RPS6KC1: variants seen among roughly 807,000 people sequenced by gnomAD.
RPS6KC1 encodes the protein inactive ribosomal protein S6 kinase delta-1.
Under a neutral mutation model 103.8 loss-of-function variants are expected in RPS6KC1, and 54 were observed. That is an observed-to-expected ratio of 0.52 (90% CI 0.42 to 0.65). The LOEUF (loss-of-function observed/expected upper bound fraction) is 0.65, where lower values mean the gene tolerates loss of function less well. Ranked by LOEUF, RPS6KC1 falls within the 30% of genes least tolerant of loss-of-function variation. The pLI is 0.00. For missense variants in RPS6KC1, 1,151 were observed against 1,253.8 expected (o/e 0.92, Z 1.24); for synonymous variants, 439 against 438.7 (o/e 1.00, Z -0.01).
chr1:213,151,322 C>T (rs866828086), intron 6 of RPS6KC1, among the ~76,000 whole-genome samples: 2,362 of 81,928 alleles, frequency 0.029, 36 homozygotes, highest in Non-Finnish European at 0.041. Flanking sequence ...ACCTCCCGGA[C>T]GGGGCGGCTG....
the RPS6KC1 span, among the ~76,000 whole-genome samples, chr1:213,537,785 A>G: frequency 6.6e-6 from 1 of 152,150 alleles, no homozygotes; most frequent in Non-Finnish European, 1.5e-5. Context: ...GCTTCCCATA[A>G]CTTTCATGCT....
intron 10 of RPS6KC1, among the ~76,000 whole-genome samples, chr1:213,232,900 A>T (rs2094137741): frequency 6.6e-6 from 1 of 152,118 alleles, no homozygotes; most frequent in Admixed American, 6.6e-5. Context: ...TTTATTTAGG[A>T]TGACTGAAAA....
the RPS6KC1 span, among the ~76,000 whole-genome samples, chr1:213,677,646 G>A: frequency 2.0e-5 from 3 of 152,144 alleles, no homozygotes; most frequent in Non-Finnish European, 2.9e-5. Context: ...TGTATGTGGG[G>A]GGAGATGTAA....
intron 1 of RPS6KC1, among the ~76,000 whole-genome samples, chr1:213,055,359 T>C (rs2077251098): frequency 2.0e-5 from 3 of 152,178 alleles, no homozygotes; most frequent in African/African-American, 4.8e-5. Flanking sequence ...CCACTCAGTA[T>C]GATTATTTGA....
rs540975745 is a variant in RPS6KC1 at position 213,158,062 on chromosome 1, A to G, written c.836-9796A>G. On this transcript the variant is annotated intron_variant, in intron 6 of 14. Transcript: ENST00000366960. ...TGGTTGCTTCTTTGAATCAATGTATATCTTCTATAGACAGGATATAGTTAG... is the reference window on the plus strand; with the variant it reads ...TGGTTGCTTCTTTGAATCAATGTATGTCTTCTATAGACAGGATATAGTTAG... Among the ~76,000 whole-genome samples, 3 of 152,080 alleles carry G rather than the reference A, an allele frequency of 2.0e-5. No homozygotes were observed. In the East Asian group the frequency reaches 5.8e-4, roughly 29 times the overall value.
At chr1:213,394,089 G>C in the RPS6KC1 span, among the ~76,000 whole-genome samples, 1 of 152,144 alleles carries the variant, frequency 6.6e-6, no homozygotes, top group African/African-American at 2.4e-5. Context: ...TACGGAGGAG[G>C]CTGGGTGACC....
chr1:213,073,527 A>G (rs1340700023), intron 2 of RPS6KC1, among the ~76,000 whole-genome samples: 2 of 152,132 alleles, frequency 1.3e-5, no homozygotes, highest in East Asian at 3.8e-4. Context: ...ATTAACCTGT[A>G]CCTGTTTCTC....
the RPS6KC1 span, among the ~76,000 whole-genome samples, chr1:213,342,170 G>C: frequency 6.6e-6 from 1 of 152,142 alleles, no homozygotes; most frequent in Non-Finnish European, 1.5e-5. Context: ...GATTCCAGCT[G>C]ACCTACCAGA....
the RPS6KC1 span, among the ~76,000 whole-genome samples, chr1:213,702,775 A>G: frequency 1.3e-5 from 2 of 151,192 alleles, no homozygotes; most frequent in South Asian, 2.1e-4. Context: ...ATTTTTTCCC[A>G]TCCCTTTATT....
the RPS6KC1 span, among the ~76,000 whole-genome samples, chr1:213,317,661 G>A: frequency 6.6e-6 from 1 of 152,190 alleles, no homozygotes; most frequent in Non-Finnish European, 1.5e-5. Flanking sequence ...TATTAAATAA[G>A]TTCAGTTCTT....
At chr1:213,678,136 C>G in the RPS6KC1 span, among the ~76,000 whole-genome samples, 1 of 152,156 alleles carries the variant, frequency 6.6e-6, no homozygotes, top group Admixed American at 6.5e-5. Flanking sequence ...GGGCATGGAA[C>G]TTGGTATTAG....
chr1:213,487,704 G>T, the RPS6KC1 span, among the ~76,000 whole-genome samples: 1 of 152,154 alleles, frequency 6.6e-6, no homozygotes, highest in South Asian at 2.1e-4. Flanking sequence ...CTGGGTAAGA[G>T]TTGTATCCTC....
At chr1:213,746,225 A>G in the RPS6KC1 span, among the ~76,000 whole-genome samples, 2 of 152,340 alleles carry the variant, frequency 1.3e-5, no homozygotes, top group South Asian at 4.1e-4. Context: ...GAGAAATTTG[A>G]AAGGGCAGAG....
intron 4 of RPS6KC1, among the ~76,000 whole-genome samples, chr1:213,113,241 T>C (rs1234672432): frequency 6.6e-6 from 1 of 151,676 alleles, no homozygotes; most frequent in African/African-American, 2.4e-5. Context: ...CCTGACTTTT[T>C]AATGATTGCC....
chr1:213,463,537 T>G, the RPS6KC1 span, among the ~76,000 whole-genome samples: 1 of 152,148 alleles, frequency 6.6e-6, no homozygotes, highest in African/African-American at 2.4e-5. Flanking sequence ...AAGCTTGAGA[T>G]ATTCACCAGG....
chr1:213,692,946 A>C, the RPS6KC1 span, among the ~76,000 whole-genome samples: 3 of 152,082 alleles, frequency 2.0e-5, no homozygotes, highest in African/African-American at 4.8e-5. Context: ...TGCCCTGCTC[A>C]TGTCTGCCTG....
the RPS6KC1 span, among the ~76,000 whole-genome samples, chr1:213,463,022 TCTTA>T: frequency 1.3e-5 from 2 of 152,232 alleles, no homozygotes; most frequent in Non-Finnish European, 2.9e-5. Context: ...GAATTAAACT[TCTTA>T]CTTCATTTCC....
intron 8 of RPS6KC1, among the ~76,000 whole-genome samples, chr1:213,229,476 C>G (rs1039013277): frequency 6.6e-6 from 1 of 152,118 alleles, no homozygotes; most frequent in African/African-American, 2.4e-5. Flanking sequence ...TGGCCAATTT[C>G]AGTCTGTGGC....
At chr1:213,170,607 C>G (rs1369756405) in intron 7 of RPS6KC1, among the ~76,000 whole-genome samples, 1 of 152,176 alleles carries the variant, frequency 6.6e-6, no homozygotes, top group Non-Finnish European at 1.5e-5. Flanking sequence ...CCTTCTGAAT[C>G]TGATTTGACA....
Sources: allele counts gnomAD v4.1 joint callset (sites outside exome capture counted in the v4.1 genomes callset), GRCh38; gene constraint gnomAD v4.1.1; transcripts MANE v1.5; gene names NCBI Gene and HGNC (gene_info 2026-07-23, HGNC 2026-07-21).